UGT2B11: variants seen among roughly 807,000 people sequenced by gnomAD.
UGT2B11 encodes the protein UDP-glucuronosyltransferase 2B11.
A neutral mutation model predicts 51.7 loss-of-function variants in UGT2B11; 49 were observed. That is an observed-to-expected ratio of 0.95 (90% CI 0.75 to 1.20). The LOEUF is 1.20. Ranked by LOEUF, UGT2B11 falls within the 50% of genes most tolerant of loss-of-function variation. UGT2B11 has a pLI of 0.00. For synonymous variants in UGT2B11, 273 were observed against 209.0 expected, an observed-to-expected ratio of 1.31 and a Z score of -2.64; for missense variants, 810 against 622.1, an observed-to-expected ratio of 1.30 and a Z score of -3.21.
chr4:69,211,796 G>A lies in UGT2B11; in HGVS notation c.870+777C>T, dbSNP rs181456774. Among the ~76,000 whole-genome samples the A allele has an allele frequency of 3.3e-3, 495 of 151,462 alleles. 7 individuals carry two copies. In the Middle Eastern group the frequency reaches 0.044, roughly 14 times the overall value. ...ATTTAATCCATTGAATATCTTGGAG[G>A]CTTTTCTTAAAAAAGAGAATCGTTT... On this transcript the variant is annotated intron_variant, in intron 2 of 5. Coordinates refer to ENST00000446444, the MANE Select transcript of UGT2B11 (RefSeq NM_001073.3).
At chr4:69,214,930 T>A, upstream of UGT2B11, 1 of 778,786 alleles carries the variant, frequency 1.3e-6, no homozygotes, top group Non-Finnish European at 1.9e-6. Flanking sequence ...TTTATGTTTA[T>A]ATTCACTGTC....
chr4:69,200,828 A>C, intron 5 of UGT2B11, 109 bp from the exon 6 acceptor site: 1 of 1,256,716 alleles, frequency 8.0e-7, no homozygotes, highest in South Asian at 2.2e-5. Context: ...ATAAATGTCA[A>C]AGAATTGACA....
intron 4 of UGT2B11, 99 bp from the exon 5 acceptor site, chr4:69,204,748 G>T (rs535275140): frequency 1.9e-6 from 3 of 1,559,862 alleles, no homozygotes; most frequent in South Asian, 2.3e-5. Context: ...ATAACACATT[G>T]AACTAATTTG....
At chr4:69,215,493 C>T (rs1722242209), upstream of UGT2B11, 1 of 151,926 alleles carries the variant, frequency 6.6e-6, no homozygotes, top group African/African-American at 2.4e-5. Flanking sequence ...GTATCAGATG[C>T]TATTTATAAA....
chr4:69,211,870 A>C (rs1722077571), intron 2 of UGT2B11, among the ~76,000 whole-genome samples: 1 of 151,534 alleles, frequency 6.6e-6, no homozygotes, highest in East Asian at 1.9e-4. Flanking sequence ...CAATACTCTT[A>C]AGAAATATTT....
At chr4:69,207,586 T>G (rs1721907546) in intron 3 of UGT2B11, among the ~76,000 whole-genome samples, 1 of 151,548 alleles carries the variant, frequency 6.6e-6, no homozygotes, top group African/African-American at 2.4e-5. Flanking sequence ...AATCTGGTAG[T>G]TAGTGCTGAG....
the UGT2B11 span, among the ~76,000 whole-genome samples, chr4:69,223,787 G>C: frequency 6.6e-6 from 1 of 152,100 alleles, no homozygotes; most frequent in African/African-American, 2.4e-5. Flanking sequence ...CCTCTCTTAC[G>C]GTGGTCCAGT....
rs1427507144 is a variant in UGT2B11 at position 69,200,377 on chromosome 4, T to A, written c.*63A>T. ...ATCTTGCATAACAATCTTTTCTTTC[T>A]TGCTGGAATAAACTGAAGTTGTCCT... On this transcript the variant is annotated 3_prime_UTR_variant, in exon 6 of 6. Coordinates refer to ENST00000446444, the MANE Select transcript of UGT2B11 (RefSeq NM_001073.3). The A allele has an allele frequency of 2.8e-6, 4 of 1,420,270 alleles. No individual in the cohort carries two copies. The highest frequency in any genetic ancestry group is 3.7e-6 in the Non-Finnish European group (4 of 1,079,962). The allele number at this position is 1,420,270 out of a possible 1,614,324, so 88.0% of individuals were successfully genotyped here.
At chr4:69,209,722 A>C (rs1274606288) in intron 2 of UGT2B11, among the ~76,000 whole-genome samples, 1 of 151,514 alleles carries the variant, frequency 6.6e-6, no homozygotes, top group African/African-American at 2.4e-5. Flanking sequence ...GTGTGATTGC[A>C]GTTACCTGTA....
rs1158117104 is a variant in UGT2B11, at chr4:69,208,371, G to T, written c.982C>A (p.Leu328Ile). 6.2e-7 allele frequency: 1 copy of T among 1,610,996 alleles called. No individual in the cohort carries two copies. Among genetic ancestry groups the T allele is most frequent in the African/African-American group, 1.3e-5 (1 of 74,714 alleles). The change falls in exon 3 of 6, where the codon CTT (leucine) becomes ATT (isoleucine). Residue 328 changes from leucine to isoleucine, a missense_variant. By Grantham distance (5) the Leu-to-Ile change is conservative (BLOSUM62 2). Coordinates refer to ENST00000446444, the MANE Select transcript of UGT2B11 (RefSeq NM_001073.3). Reference sequence around the variant, plus strand: ...CTTACCTTTTGTGGGATCTTGGCAAGGGCTGTTGCAATTACATTGGCCCTT... The same window carrying T: ...CTTACCTTTTGTGGGATCTTGGCAATGGCTGTTGCAATTACATTGGCCCTT... Reference protein sequence around the residue: ...AERANVIATALAKIPQKVLWR... With the variant: ...AERANVIATAIAKIPQKVLWR...
intron 3 of UGT2B11, among the ~76,000 whole-genome samples, chr4:69,207,104 T>A (rs1305466640): frequency 6.6e-6 from 1 of 151,602 alleles, no homozygotes; most frequent in East Asian, 1.9e-4. Flanking sequence ...AACCTTTTGG[T>A]ATCATGAATA....
chr4:69,223,547 C>T, the UGT2B11 span, among the ~76,000 whole-genome samples: 1 of 152,222 alleles, frequency 6.6e-6, no homozygotes, highest in South Asian at 2.1e-4. Flanking sequence ...TGCATCCTAC[C>T]TGTTCCAGGG....
chr4:69,200,607 G>A lies in UGT2B11; in HGVS notation c.1423C>T (p.His475Tyr). 3 of 1,612,474 alleles carry A rather than the reference G, an allele frequency of 1.9e-6. No homozygotes were observed. The highest frequency in any genetic ancestry group is 1.3e-5 in the African/African-American group (1 of 74,900). ...AGGTCATGGGCTGCAACTCGAAGGT[G>A]TTTGGCTCCTTTGTGGGGCATGACA... ...EFVMPHKGAK[H>Y]LRVAAHDLTW... is the part of the protein sequence containing the mutation. Residue 475 changes from histidine to tyrosine, a missense_variant, in exon 6 of 6, where the codon CAC (histidine) becomes TAC (tyrosine). His to Tyr is a moderately conservative substitution (Grantham distance 83). Coordinates refer to ENST00000446444, the MANE Select transcript of UGT2B11 (RefSeq NM_001073.3).
In UGT2B11 at chr4:69,200,067, A is replaced by T. The variant is rs1254126034; in HGVS notation, c.*373T>A. On this transcript the variant is annotated 3_prime_UTR_variant, in exon 6 of 6. Coordinates refer to ENST00000446444, the MANE Select transcript of UGT2B11 (RefSeq NM_001073.3). Reference sequence around the variant, plus strand: ...ACTGATACTGTCAGTAGACTTCTTAATGTTCTTGTGTTTATGTAAAATGTG... The same window carrying T: ...ACTGATACTGTCAGTAGACTTCTTATTGTTCTTGTGTTTATGTAAAATGTG... The T allele has an allele frequency of 2.4e-5, 4 of 168,372 alleles. No individual in the cohort carries two copies. The Admixed American group carries it at 2.4e-4, about 10-fold the overall frequency. 10.4% of individuals were successfully genotyped at this position (168,372 alleles called of 1,614,324 possible).
Position 69,214,500 on chromosome 4 carries a change from C to G in UGT2B11, c.223G>C (p.Glu75Gln). Residue 75 changes from glutamate to glutamine, a missense_variant, in exon 1 of 6, where the codon GAA becomes CAA. Glu to Gln is a conservative substitution (Grantham distance 29). Coordinates refer to ENST00000446444, the MANE Select transcript of UGT2B11 (RefSeq NM_001073.3). ...TTAGTTAAAGATGTAGGATAAACTTCAAATTTAAGAGTGGATGCATCATTG... is the reference window on the plus strand; with the variant it reads ...TTAGTTAAAGATGTAGGATAAACTTGAAATTTAAGAGTGGATGCATCATTG... ...DPNDASTLKF[E>Q]VYPTSLTKTE... 6.2e-7 allele frequency: 1 copy of G among 1,613,124 alleles called. No individual in the cohort carries two copies. Among genetic ancestry groups the G allele is most frequent in the South Asian group, 1.1e-5 (1 of 91,058 alleles).
At chr4:69,224,875 G>T in the UGT2B11 span, among the ~76,000 whole-genome samples, 1 of 152,118 alleles carries the variant, frequency 6.6e-6, no homozygotes, top group Non-Finnish European at 1.5e-5. Context: ...AACTCTTTAA[G>T]GCGGGAAATA....
rs995677217 is a variant in UGT2B11, at chr4:69,204,523, A to G, written c.1217T>C (p.Met406Thr). 1.2e-6 allele frequency: 2 copies of G among 1,612,240 alleles called. No homozygotes were observed. Among genetic ancestry groups the G allele is most frequent in the South Asian group, 1.1e-5 (1 of 91,060 alleles). Reference protein sequence around the residue: ...FFDQPDNIAHMKAKGAAVRLD... With the variant: ...FFDQPDNIAHTKAKGAAVRLD... Reference sequence around the variant, plus strand: ...TCTAACAGCTGCTCCCTTGGCCTTCATGTGAGCAATGTTATCAGGTTGATC... The same window carrying G: ...TCTAACAGCTGCTCCCTTGGCCTTCGTGTGAGCAATGTTATCAGGTTGATC... The change falls in exon 5 of 6, where the codon ATG becomes ACG. Residue 406 changes from methionine (M) to threonine (T), a missense_variant. Met to Thr is a moderately conservative substitution (Grantham distance 81). Coordinates refer to ENST00000446444, the MANE Select transcript of UGT2B11 (RefSeq NM_001073.3).
Position 69,204,607 on chromosome 4 carries a change from T to A in UGT2B11, c.1133A>T (p.Asn378Ile), listed in dbSNP as rs745660378. 1.6e-5 allele frequency: 25 copies of A among 1,611,918 alleles called. No homozygotes were observed. The highest frequency in any genetic ancestry group is 2.1e-5 in the Non-Finnish European group (25 of 1,178,720). ...TRAFITHGGA[N>I]GIYEAIYHGI... ...ATGGTAGATTGCCTCATAGATGCCATTGGCTCCACCATGAGTTATAAAAGC... is the reference window on the plus strand; with the variant it reads ...ATGGTAGATTGCCTCATAGATGCCAATGGCTCCACCATGAGTTATAAAAGC... The change falls in exon 5 of 6, where the codon AAT (asparagine) becomes ATT (isoleucine). Residue 378 changes from asparagine to isoleucine, a missense_variant. By Grantham distance (149) the Asn-to-Ile change is moderately radical (BLOSUM62 -3). Coordinates refer to ENST00000446444, the MANE Select transcript of UGT2B11 (RefSeq NM_001073.3).
intron 2 of UGT2B11, among the ~76,000 whole-genome samples, chr4:69,211,676 C>T (rs545958305): frequency 6.6e-6 from 1 of 151,604 alleles, no homozygotes; most frequent in Non-Finnish European, 1.5e-5. Context: ...CTAATGATTT[C>T]TATCAACATT....
Sources: allele counts gnomAD v4.1 joint callset (sites outside exome capture counted in the v4.1 genomes callset), GRCh38; gene constraint gnomAD v4.1.1; transcripts MANE v1.5; gene names NCBI Gene and HGNC (gene_info 2026-07-23, HGNC 2026-07-21).